Variants in FAT3 observed in about 807,000 individuals in gnomAD.
FAT3 encodes FAT atypical cadherin 3.
A neutral mutation model predicts 310.2 loss-of-function variants in FAT3; 95 were observed. The observed-to-expected ratio is 0.31, with a 90% CI of 0.26 to 0.36. The LOEUF (loss-of-function observed/expected upper bound fraction) is 0.36. Ranked by LOEUF, FAT3 falls within the 10% of genes least tolerant of loss-of-function variation. FAT3 has a pLI of 1.00. For synonymous variants in FAT3, 2,314 were observed against 2,192.9 expected (o/e 1.06, Z -1.54); for missense variants, 5,408 against 5,715.6 (o/e 0.95, Z 1.74).
chr11:92,293,512 TTATATATATATA>T (rs1195340265), intron 1 of FAT3, among the ~76,000 whole-genome samples: 47 of 67,884 alleles, frequency 6.9e-4, no homozygotes, highest in East Asian at 2.0e-3. Context: ...GAACCTCAGA[TTATATATATATA>T]TATATATATA....
rs371771493 is a variant in FAT3, at chr11:92,798,596, G to T, written c.5583G>T (p.Leu1861=). The T allele has an allele frequency of 2.5e-6, 4 of 1,613,706 alleles. No homozygotes were observed. The highest frequency in any genetic ancestry group is 2.7e-5 in the African/African-American group (2 of 74,928). ...TGAGAGACAGTGGTAGCCCCCAACT[G>T]ACTGCAGAGAGTCCCGTTGAAGTCA... ...VHVRDSGSPQ[L]TAESPVEVNI... is the part of the protein sequence containing the mutation. Residue 1861 remains leucine, a synonymous_variant, in exon 10 of 28, where the codon CTG becomes CTT. Coordinates refer to ENST00000525166, the MANE Select transcript of FAT3 (RefSeq NM_001367949.2).
At chr11:92,526,071 CAAAG>C (rs1432095290) in intron 3 of FAT3, among the ~76,000 whole-genome samples, 2 of 152,096 alleles carry the variant, frequency 1.3e-5, no homozygotes, top group African/African-American at 4.8e-5. Flanking sequence ...TATTGTAAGA[CAAAG>C]AGAGTAGTAA....
chr11:92,562,627 A>T (rs1449471927), intron 3 of FAT3, among the ~76,000 whole-genome samples: 1 of 152,194 alleles, frequency 6.6e-6, no homozygotes. Flanking sequence ...AAACCAGGAA[A>T]GCTGATGGTG....
intron 1 of FAT3, among the ~76,000 whole-genome samples, chr11:92,245,662 A>G (rs1864869814): frequency 6.6e-6 from 1 of 152,136 alleles, no homozygotes; most frequent in African/African-American, 2.4e-5. Flanking sequence ...GTCTATTACA[A>G]CTATTCAACT....
chr11:92,554,970 C>A (rs1954965999), intron 3 of FAT3, among the ~76,000 whole-genome samples: 1 of 152,220 alleles, frequency 6.6e-6, no homozygotes, highest in Admixed American at 6.5e-5. Flanking sequence ...ATTCATTTGT[C>A]TGACTGTGCT....
intron 3 of FAT3, chr11:92,559,425 C>A: frequency 4.5e-6 from 1 of 222,702 alleles, no homozygotes; most frequent in Non-Finnish European, 8.8e-6. Context: ...TGCTCTGTTG[C>A]CCAGGCTGGA....
chr11:92,263,536 C>T (rs1384558342), intron 1 of FAT3, among the ~76,000 whole-genome samples: 2 of 151,696 alleles, frequency 1.3e-5, no homozygotes, highest in Non-Finnish European at 2.9e-5. Context: ...GTGAAGATTA[C>T]AGGAGATGTG....
chr11:92,365,093 C>T (rs1948983239), intron 2 of FAT3, among the ~76,000 whole-genome samples: 1 of 152,072 alleles, frequency 6.6e-6, no homozygotes, highest in South Asian at 2.1e-4. Flanking sequence ...GATCCCATCT[C>T]TACCAACAAA....
intron 7 of FAT3, among the ~76,000 whole-genome samples, chr11:92,783,576 G>T (rs1028288236): frequency 6.6e-6 from 1 of 151,236 alleles, no homozygotes; most frequent in Non-Finnish European, 1.5e-5. Flanking sequence ...GGAGGCCAAG[G>T]TGGAAGGATC....
Position 92,352,687 on chromosome 11 carries a change from A to C in FAT3, c.575A>C (p.Glu192Ala). The C allele has an allele frequency of 6.2e-7, 1 of 1,613,776 alleles. No homozygotes were observed. ...ATDADIGSNGEFYYYFKNKVD... is the reference protein window; with the variant it reads ...ATDADIGSNGAFYYYFKNKVD... ...GACGCAGATATTGGTTCCAATGGAGAATTCTACTACTACTTTAAAAATAAA... is the reference window on the plus strand; with the variant it reads ...GACGCAGATATTGGTTCCAATGGAGCATTCTACTACTACTTTAAAAATAAA... The change falls in exon 2 of 28, where the codon GAA (glutamate) becomes GCA (alanine). Residue 192 changes from glutamate (E) to alanine (A), a missense_variant. Coordinates refer to ENST00000525166, the MANE Select transcript of FAT3 (RefSeq NM_001367949.2).
Position 92,798,293 on chromosome 11 carries a change from T to G in FAT3, c.5280T>G (p.Val1760=), listed in dbSNP as rs749492287. Residue 1760 remains valine, a synonymous_variant, in exon 10 of 28, where the codon GTT becomes GTG. Coordinates refer to ENST00000525166, the MANE Select transcript of FAT3 (RefSeq NM_001367949.2). ...ASNATVNIQI[V]DENDNAPVFL... ...ATGCTACAGTCAATATTCAGATTGT[T>G]GATGAAAATGATAATGCCCCAGTTT... is the stretch of plus-strand genomic sequence containing the variant. The G allele has an allele frequency of 3.1e-6, 5 of 1,613,758 alleles. No individual in the cohort carries two copies. The East Asian group carries it at 8.9e-5, about 29-fold the overall frequency.
At chr11:92,684,887 A>G (rs1016257504) in intron 3 of FAT3, among the ~76,000 whole-genome samples, 1 of 152,166 alleles carries the variant, frequency 6.6e-6, no homozygotes, top group Admixed American at 6.5e-5. Context: ...CATCTTTTCT[A>G]TAAGACATGG....
chr11:92,526,793 AAAAAGCATTTTTGCCAG>A (rs1953882016), intron 3 of FAT3, among the ~76,000 whole-genome samples: 1 of 152,192 alleles, frequency 6.6e-6, no homozygotes, highest in Non-Finnish European at 1.5e-5. Flanking sequence ...ATAGATTTTT[AAAAAGCATTTTTGCCAG>A]GAATGACATT....
Position 92,800,048 on chromosome 11 carries a change from A to T in FAT3, c.7035A>T (p.Leu2345Phe). 1.2e-6 allele frequency: 2 copies of T among 1,613,978 alleles called. No homozygotes were observed. Residue 2345 changes from leucine (L) to phenylalanine (F), a missense_variant, in exon 10 of 28, where the codon TTA becomes TTT. This residue lies in a region of FAT3 where 4,588 missense variants were observed against 4,809.8 expected (regional missense o/e 0.95). Transcript: ENST00000525166. Reference sequence around the variant, plus strand: ...TTCACATAGATAGCTCAAGTGGCTTAATCCTGACAGCACGAATGCTGGACC... The same window carrying T: ...TTCACATAGATAGCTCAAGTGGCTTTATCCTGACAGCACGAATGCTGGACC... ...DYFHIDSSSG[L>F]ILTARMLDHE...
At chr11:92,348,989 C>T (rs1473044184) in intron 1 of FAT3, among the ~76,000 whole-genome samples, 1 of 152,036 alleles carries the variant, frequency 6.6e-6, no homozygotes, top group Non-Finnish European at 1.5e-5. Context: ...GATGTACTTC[C>T]CATCAGGTTT....
At chr11:92,376,133 G>A (rs1011376804) in intron 2 of FAT3, among the ~76,000 whole-genome samples, 1 of 152,132 alleles carries the variant, frequency 6.6e-6, no homozygotes, top group African/African-American at 2.4e-5. Flanking sequence ...TGTGGCTTCA[G>A]GTAGTGCATG....
At chr11:92,316,976 G>A (rs1471030466) in intron 1 of FAT3, among the ~76,000 whole-genome samples, 2 of 152,186 alleles carry the variant, frequency 1.3e-5, no homozygotes, top group Non-Finnish European at 2.9e-5. Context: ...CACCAAGGAG[G>A]TGGCAGATGA....
At chr11:92,463,157 A>T (rs901693560) in intron 2 of FAT3, among the ~76,000 whole-genome samples, 6 of 152,224 alleles carry the variant, frequency 3.9e-5, no homozygotes, top group Non-Finnish European at 8.8e-5. Context: ...AGGAGCAAAT[A>T]TTTATAACCA....
chr11:92,651,399 T>C (rs1283266218), intron 3 of FAT3, among the ~76,000 whole-genome samples: 1 of 152,170 alleles, frequency 6.6e-6, no homozygotes, highest in Non-Finnish European at 1.5e-5. Context: ...GCACTCAGCT[T>C]CAGGAATAGG....
Sources: allele counts gnomAD v4.1 joint callset (sites outside exome capture counted in the v4.1 genomes callset), GRCh38; gene constraint gnomAD v4.1.1; regional missense constraint gnomAD v4.1.1; transcripts MANE v1.5; gene names NCBI Gene and HGNC (gene_info 2026-07-23, HGNC 2026-07-21).